The following CBR4 variants were observed in gnomAD, a reference collection of about 807,000 sequenced individuals.
The protein encoded by CBR4 is 3-oxoacyl-[acyl-carrier-protein] reductase.
CBR4 carries 22 observed loss-of-function variants against 21.0 expected under a neutral mutation model. That is an observed-to-expected ratio of 1.05 (90% CI 0.75 to 1.50). The LOEUF is 1.50. CBR4 is among the 40% of genes most tolerant of loss of function. The pLI is 0.00. For missense variants in CBR4, 302 were observed against 286.3 expected, an observed-to-expected ratio of 1.05 and a Z score of -0.40; for synonymous variants, 100 against 104.4, an observed-to-expected ratio of 0.96 and a Z score of 0.26.
At chr4:168,974,002 AT>A (rs1226175279) in intron 2 of CBR4, among the ~76,000 whole-genome samples, 1 of 151,710 alleles carries the variant, frequency 6.6e-6, no homozygotes, top group Middle Eastern at 3.2e-3. Context: ...TCATTGTGTT[AT>A]TGTTTTATAG....
At chr4:168,977,475 C>T (rs1027942290) in intron 2 of CBR4, among the ~76,000 whole-genome samples, 1 of 152,186 alleles carries the variant, frequency 6.6e-6, no homozygotes, top group Non-Finnish European at 1.5e-5. Context: ...TATGCCCACA[C>T]ATAGAACAGT....
chr4:169,001,881 T>A, intron 4 of CBR4, 190 bp downstream of exon 4: 1 of 409,624 alleles, frequency 2.4e-6, no homozygotes, highest in Admixed American at 4.5e-5. Flanking sequence ...GCAAACAGGC[T>A]AACACATAGA....
At chr4:168,950,517 T>C (rs533819957) in intron 2 of CBR4, among the ~76,000 whole-genome samples, 1 of 152,310 alleles carries the variant, frequency 6.6e-6, no homozygotes, top group African/African-American at 2.4e-5. Flanking sequence ...GCCTATCATA[T>C]GGTCTATCTT....
At chr4:168,914,080 AG>A (rs1759612046) in intron 2 of CBR4, 17 of 1,018,296 alleles carry the variant, frequency 1.7e-5, no homozygotes, top group Non-Finnish European at 2.6e-5. Flanking sequence ...CTATAAATGT[AG>A]TACTATTAGA....
intron 2 of CBR4, chr4:168,896,418 G>A (rs1755182783): frequency 7.6e-6 from 5 of 659,958 alleles, no homozygotes; most frequent in South Asian, 6.7e-5. Context: ...GGTTGTGTGA[G>A]TACTCACAGC....
At position 168,988,563 on chromosome 4, in the gene CBR4, T is replaced by C; in HGVS notation, c.*1587A>G. On this transcript the variant is annotated 3_prime_UTR_variant, in exon 5 of 5. Coordinates refer to ENST00000306193, the MANE Select transcript of CBR4 (RefSeq NM_032783.5). Reference sequence around the variant, plus strand: ...TCTACTATGTCTGAATAAGCTCCCCTACCTTACAAGCATCAACTACTACAT... The same window carrying C: ...TCTACTATGTCTGAATAAGCTCCCCCACCTTACAAGCATCAACTACTACAT... 1 of 985,436 alleles carries C rather than the reference T, an allele frequency of 1.0e-6. No individual in the cohort carries two copies. The highest frequency in any genetic ancestry group is 1.2e-6 in the Non-Finnish European group (1 of 829,920). The allele number at this position is 985,436 out of a possible 1,614,324, so 61.0% of individuals were successfully genotyped here.
intron 2 of CBR4, among the ~76,000 whole-genome samples, chr4:168,968,498 T>A (rs2126748659): frequency 6.6e-6 from 1 of 152,336 alleles, no homozygotes; most frequent in Admixed American, 6.5e-5. Flanking sequence ...TGATTCTCTT[T>A]CCTGTCAGGC....
rs190719492 is a variant in CBR4, at chr4:168,917,728, T to C, written n.170-22963A>G. 4.8e-3 allele frequency among the ~76,000 whole-genome samples: 734 copies of C among 152,208 alleles called. 8 individuals are homozygous for C. Among genetic ancestry groups the C allele is most frequent in the Admixed American group, 5.4e-3 (83 of 15,282 alleles). On this transcript the variant is annotated intron_variant and non_coding_transcript_variant, in intron 2 of 3. Transcript: ENST00000509108. ...AAAAAGAATAAATATAACAAAAATA[T>C]TTTATTTCTTAGGATCATTATTTAT...
At chr4:168,978,424 A>G (rs542516451) in intron 2 of CBR4, among the ~76,000 whole-genome samples, 2 of 152,322 alleles carry the variant, frequency 1.3e-5, no homozygotes, top group South Asian at 2.1e-4. Flanking sequence ...GTCCAAGAGG[A>G]CATGTTGGGA....
At chr4:168,929,205 A>C (rs910735516) in intron 2 of CBR4, among the ~76,000 whole-genome samples, 3 of 152,120 alleles carry the variant, frequency 2.0e-5, no homozygotes, top group African/African-American at 4.8e-5. Context: ...ACACACACAC[A>C]CCCATATTCA....
rs146595507 is a variant in CBR4 at position 168,991,566 on chromosome 4, G to C, written c.536-1238C>G. ...AAGCCTGCCAAGAAAATGTTCTAAA[G>C]AATGTATTAGGTTCTACAGTATAAA... On this transcript the variant is annotated intron_variant, in intron 4 of 4. Transcript: ENST00000306193. 4.6e-3 allele frequency among the ~76,000 whole-genome samples: 706 copies of C among 152,228 alleles called. 7 individuals are homozygous for C. Among genetic ancestry groups the C allele is most frequent in the Admixed American group, 5.5e-3 (84 of 15,300 alleles).
intron 2 of CBR4, among the ~76,000 whole-genome samples, chr4:168,947,953 ACT>A (rs1417409167): frequency 6.6e-6 from 1 of 152,158 alleles, no homozygotes; most frequent in Non-Finnish European, 1.5e-5. Context: ...GAATCTCCAC[ACT>A]GTTTTTCATA....
chr4:168,906,322 C>T (rs1046931452), intron 2 of CBR4, among the ~76,000 whole-genome samples: 2 of 152,184 alleles, frequency 1.3e-5, no homozygotes, highest in African/African-American at 4.8e-5. Flanking sequence ...ATTGTGAGTC[C>T]GCTTAGTGTC....
chr4:168,975,405 G>C (rs1159424766), intron 2 of CBR4, among the ~76,000 whole-genome samples: 1 of 152,200 alleles, frequency 6.6e-6, no homozygotes, highest in Non-Finnish European at 1.5e-5. Flanking sequence ...GTTGTCACAA[G>C]GATAGACTCA....
intron 3 of CBR4, among the ~76,000 whole-genome samples, chr4:169,004,366 T>C (rs181714845): frequency 0.011 from 1,655 of 152,334 alleles, 24 homozygotes; most frequent in Non-Finnish European, 0.012. Context: ...AAGACAAAAT[T>C]TGCCACATTG....
intron 2 of CBR4, among the ~76,000 whole-genome samples, chr4:168,901,549 T>C (rs1756516138): frequency 6.6e-6 from 1 of 152,186 alleles, no homozygotes; most frequent in Admixed American, 6.5e-5. Flanking sequence ...TTACAGCTTC[T>C]TTTTTCCATC....
chr4:168,957,223 T>C (rs573427529), intron 2 of CBR4, among the ~76,000 whole-genome samples: 4 of 152,244 alleles, frequency 2.6e-5, no homozygotes, highest in East Asian at 1.9e-4. Context: ...AGGAAACCAA[T>C]ATTAAACATT....
intron 2 of CBR4, among the ~76,000 whole-genome samples, chr4:168,966,476 G>A (rs932888458): frequency 3.3e-5 from 5 of 151,078 alleles, no homozygotes; most frequent in Admixed American, 6.6e-5. Context: ...GCAGTGAGCC[G>A]AGATCGCACC....
chr4:168,909,966 A>AATAT (rs1321148218), intron 2 of CBR4, among the ~76,000 whole-genome samples: 1 of 152,192 alleles, frequency 6.6e-6, no homozygotes, highest in African/African-American at 2.4e-5. Flanking sequence ...ATATTTAGCC[A>AATAT]ATAACACTGT....
Sources: gnomAD v4.1 joint callset for allele counts (sites outside exome capture counted in the v4.1 genomes callset) on GRCh38, gnomAD v4.1.1 for gene constraint, MANE v1.5 for transcripts, NCBI Gene and HGNC (gene_info 2026-07-23, HGNC 2026-07-21) for gene names.